NRG3: variants seen among roughly 807,000 people sequenced by gnomAD.
NRG3 encodes neuregulin 3.
NRG3 carries 31 observed loss-of-function variants against 66.9 expected under a neutral mutation model. That is an observed-to-expected ratio of 0.46 (90% CI 0.35 to 0.63). NRG3 has a LOEUF of 0.63. NRG3 is among the 20% of genes least tolerant of loss of function. The pLI is 0.00. For missense variants in NRG3, 910 were observed against 878.9 expected (o/e 1.04, Z -0.45); for synonymous variants, 393 against 359.4 (o/e 1.09, Z -1.06).
intron 2 of NRG3, among the ~76,000 whole-genome samples, chr10:82,551,407 A>G (rs1307406906): frequency 1.3e-5 from 2 of 152,070 alleles, no homozygotes; most frequent in Non-Finnish European, 2.9e-5. Context: ...GAGGAGGAAA[A>G]AAGTCTGTAA....
intron 1 of NRG3, among the ~76,000 whole-genome samples, chr10:82,304,584 A>G (rs906966288): frequency 1.5e-4 from 23 of 151,912 alleles, no homozygotes; most frequent in African/African-American, 5.3e-4. Flanking sequence ...TGTATTGGTC[A>G]GGATAGGTGA....
At chr10:82,318,222 A>G (rs2081391123) in intron 1 of NRG3, among the ~76,000 whole-genome samples, 1 of 152,238 alleles carries the variant, frequency 6.6e-6, no homozygotes, top group African/African-American at 2.4e-5. Context: ...GGGGGCATGT[A>G]GCTTTCATCT....
At chr10:82,939,614 C>A (rs1013357845) in intron 4 of NRG3, among the ~76,000 whole-genome samples, 2 of 151,748 alleles carry the variant, frequency 1.3e-5, no homozygotes, top group Non-Finnish European at 2.9e-5. Flanking sequence ...GGACTACAGG[C>A]GCCCACCACC....
intron 2 of NRG3, among the ~76,000 whole-genome samples, chr10:82,383,736 G>A (rs1364037465): frequency 2.6e-5 from 4 of 152,054 alleles, no homozygotes; most frequent in Admixed American, 2.0e-4. Flanking sequence ...TGTAAGCATA[G>A]AGACTGCATT....
chr10:81,942,020 C>T (rs1848448312), intron 1 of NRG3, among the ~76,000 whole-genome samples: 1 of 152,130 alleles, frequency 6.6e-6, no homozygotes, highest in Admixed American at 6.6e-5. Flanking sequence ...ATCTTCTCAT[C>T]CTTTTCCTTC....
chr10:82,086,339 A>G (rs753184232), intron 1 of NRG3, among the ~76,000 whole-genome samples: 37 of 152,154 alleles, frequency 2.4e-4, no homozygotes, highest in Non-Finnish European at 4.9e-4. Context: ...AGAAGAAATT[A>G]TCAAGTTTCT....
At chr10:82,288,111 A>T (rs2079526615) in intron 1 of NRG3, among the ~76,000 whole-genome samples, 1 of 152,212 alleles carries the variant, frequency 6.6e-6, no homozygotes, top group Admixed American at 6.5e-5. Context: ...TGAAAGGCAG[A>T]TCTTTTTTTG....
chr10:82,371,970 TG>T (rs748203057), intron 2 of NRG3, among the ~76,000 whole-genome samples: 2 of 152,064 alleles, frequency 1.3e-5, no homozygotes, highest in African/African-American at 2.4e-5. Flanking sequence ...ACCCCCACAA[TG>T]GGGGTCTAAT....
intron 2 of NRG3, among the ~76,000 whole-genome samples, chr10:82,515,350 A>G (rs1845557340): frequency 6.6e-6 from 1 of 152,186 alleles, no homozygotes; most frequent in Non-Finnish European, 1.5e-5. Flanking sequence ...GTTTTAATGT[A>G]TGCTCTATCT....
chr10:82,503,161 A>G (rs1337283313), intron 2 of NRG3, among the ~76,000 whole-genome samples: 2 of 152,218 alleles, frequency 1.3e-5, no homozygotes, highest in Non-Finnish European at 2.9e-5. Flanking sequence ...TTTCAAAATG[A>G]TATAAGTGAA....
At chr10:82,887,639 C>G (rs11196336) in intron 4 of NRG3, among the ~76,000 whole-genome samples, 44,126 of 152,028 alleles carry the variant, frequency 0.29, 7,195 homozygotes, top group East Asian at 0.54. Context: ...TGTATTGAAA[C>G]AGACAATTAA....
chr10:82,982,053 C>G (rs1272957809), intron 8 of NRG3, among the ~76,000 whole-genome samples: 2 of 152,190 alleles, frequency 1.3e-5, no homozygotes, highest in Non-Finnish European at 2.9e-5. Flanking sequence ...CGATTGAATA[C>G]TGGCTTTTCT....
intron 1 of NRG3, among the ~76,000 whole-genome samples, chr10:82,293,646 A>G (rs2079870553): frequency 6.6e-6 from 1 of 152,148 alleles, no homozygotes; most frequent in South Asian, 2.1e-4. Flanking sequence ...ATGATTGTTC[A>G]GGCATGACCA....
At chr10:82,591,430 A>G (rs1011405052) in intron 2 of NRG3, among the ~76,000 whole-genome samples, 15 of 152,208 alleles carry the variant, frequency 9.9e-5, no homozygotes, top group Non-Finnish European at 2.1e-4. Context: ...TGGCATCTAA[A>G]CTGTAGTAAC....
chr10:82,378,569 T>A (rs1349452574), intron 2 of NRG3, among the ~76,000 whole-genome samples: 1 of 152,026 alleles, frequency 6.6e-6, no homozygotes, highest in Non-Finnish European at 1.5e-5. Flanking sequence ...CTTCTCTTTT[T>A]TCTTTTCTTT....
At chr10:82,851,041 G>A (rs1397506457) in intron 3 of NRG3, among the ~76,000 whole-genome samples, 3 of 152,086 alleles carry the variant, frequency 2.0e-5, no homozygotes, top group Admixed American at 1.3e-4. Context: ...AAATAGAACC[G>A]ACTTTATAAT....
At chr10:82,817,136 C>T (rs541511593) in intron 3 of NRG3, among the ~76,000 whole-genome samples, 3 of 152,174 alleles carry the variant, frequency 2.0e-5, no homozygotes, top group Admixed American at 6.5e-5. Flanking sequence ...TTTGTCTCTT[C>T]CCCTTTAATT....
At chr10:81,929,808 A>G (rs1163211660) in intron 1 of NRG3, among the ~76,000 whole-genome samples, 4 of 152,214 alleles carry the variant, frequency 2.6e-5, no homozygotes, top group Admixed American at 2.6e-4. Context: ...TTGGTAGTTT[A>G]CAGAAGTCTA....
At chr10:82,648,204 G>A (rs1392308346) in intron 2 of NRG3, among the ~76,000 whole-genome samples, 1 of 152,160 alleles carries the variant, frequency 6.6e-6, no homozygotes, top group African/African-American at 2.4e-5. Flanking sequence ...AAGGGATCCA[G>A]TTTCAGCTTT....
Sources: allele counts gnomAD v4.1 joint callset (sites outside exome capture counted in the v4.1 genomes callset), GRCh38; gene constraint gnomAD v4.1.1; transcripts MANE v1.5; gene names NCBI Gene and HGNC (gene_info 2026-07-23, HGNC 2026-07-21).